The following ULK4 variants were observed in gnomAD, a reference collection of about 807,000 sequenced individuals.
ULK4 encodes the protein inactive serine/threonine-protein kinase ULK4.
Under a neutral mutation model 160.6 loss-of-function variants are expected in ULK4, and 133 were observed. The ratio of observed to expected loss-of-function variants is 0.83; its 90% CI spans 0.72 to 0.96. The LOEUF is 0.96. Among genes scored for constraint, ULK4 ranks in the 40% least tolerant of loss-of-function variants. The pLI, the probability that ULK4 is intolerant of heterozygous loss-of-function variation, is 0.00. For synonymous variants in ULK4, 534 were observed against 539.8 expected (o/e 0.99, Z 0.15); for missense variants, 1,580 against 1,499.5 (o/e 1.05, Z -0.89).
intron 35 of ULK4, among the ~76,000 whole-genome samples, chr3:41,256,590 A>G (rs1402946782): frequency 2.6e-5 from 4 of 152,248 alleles, no homozygotes; most frequent in African/African-American, 4.8e-5. Context: ...GTAATTTTAA[A>G]TGGATGATGG....
chr3:41,785,096 CA>C (rs773360603), intron 21 of ULK4, among the ~76,000 whole-genome samples: 1 of 152,106 alleles, frequency 6.6e-6, no homozygotes, highest in Non-Finnish European at 1.5e-5. Context: ...ATGTGTATAA[CA>C]CTTGAGTAAT....
intron 25 of ULK4, among the ~76,000 whole-genome samples, chr3:41,712,746 G>T (rs1267430214): frequency 2.0e-5 from 3 of 152,078 alleles, no homozygotes; most frequent in Non-Finnish European, 4.4e-5. Flanking sequence ...TTAAAAATTA[G>T]CCAGGCATGG....
chr3:41,727,227 T>G (rs2037682601), intron 22 of ULK4, among the ~76,000 whole-genome samples: 1 of 152,202 alleles, frequency 6.6e-6, no homozygotes, highest in African/African-American at 2.4e-5. Flanking sequence ...ACCAGTACAA[T>G]GTCTACAGCA....
At chr3:41,866,847 G>C (rs1392122318) in intron 17 of ULK4, among the ~76,000 whole-genome samples, 1 of 152,156 alleles carries the variant, frequency 6.6e-6, no homozygotes, top group African/African-American at 2.4e-5. Flanking sequence ...GTTCCAGAAA[G>C]TTCTGTTATT....
chr3:41,636,248 T>A (rs958900068), intron 30 of ULK4, among the ~76,000 whole-genome samples: 1 of 152,186 alleles, frequency 6.6e-6, no homozygotes, highest in South Asian at 2.1e-4. Context: ...TGTAAACAGA[T>A]ACTAGGCTGG....
intron 35 of ULK4, among the ~76,000 whole-genome samples, chr3:41,302,343 G>C (rs2079816854): frequency 6.6e-6 from 1 of 152,090 alleles, no homozygotes; most frequent in African/African-American, 2.4e-5. Context: ...TCTGAATCAA[G>C]ACTTAATGGA....
chr3:41,958,617 T>A (rs1223660305), intron 1 of ULK4, among the ~76,000 whole-genome samples: 1 of 149,676 alleles, frequency 6.7e-6, no homozygotes, highest in African/African-American at 2.5e-5. Context: ...GAAGGTGAGG[T>A]AGGCGAATGG....
intron 30 of ULK4, among the ~76,000 whole-genome samples, chr3:41,631,903 G>T (rs976396376): frequency 6.6e-6 from 1 of 152,146 alleles, no homozygotes; most frequent in African/African-American, 2.4e-5. Flanking sequence ...GGTCTGTAAT[G>T]CTCCTGCTAC....
intron 35 of ULK4, among the ~76,000 whole-genome samples, chr3:41,388,554 A>T (rs1358497243): frequency 2.6e-5 from 4 of 152,040 alleles, no homozygotes; most frequent in African/African-American, 9.7e-5. Context: ...TTTTTGTCTA[A>T]GGTGTAAGGA....
At chr3:41,526,506 A>G (rs895060905) in intron 32 of ULK4, among the ~76,000 whole-genome samples, 3 of 152,248 alleles carry the variant, frequency 2.0e-5, no homozygotes, top group Admixed American at 6.5e-5. Flanking sequence ...CAGAGATGAC[A>G]GAAATGGTCT....
At chr3:41,513,513 G>A (rs2085655365) in intron 32 of ULK4, among the ~76,000 whole-genome samples, 1 of 152,150 alleles carries the variant, frequency 6.6e-6, no homozygotes, top group African/African-American at 2.4e-5. Context: ...CATGCCTGTA[G>A]TCCCAGCTAC....
chr3:41,748,091 G>C (rs2038478912), intron 22 of ULK4, among the ~76,000 whole-genome samples: 1 of 150,874 alleles, frequency 6.6e-6, no homozygotes, highest in Non-Finnish European at 1.5e-5. Flanking sequence ...TGATAATATT[G>C]GTTATTACTG....
At chr3:41,620,936 T>A (rs543365020) in intron 30 of ULK4, among the ~76,000 whole-genome samples, 198 of 152,316 alleles carry the variant, frequency 1.3e-3, no homozygotes, top group Non-Finnish European at 2.3e-3. Context: ...ATAAAATTAA[T>A]GTGCAAAAGT....
chr3:41,321,251 G>A (rs974995262), intron 35 of ULK4, among the ~76,000 whole-genome samples: 1 of 152,020 alleles, frequency 6.6e-6, no homozygotes, highest in Non-Finnish European at 1.5e-5. Flanking sequence ...AGTGCCTGTT[G>A]GAAACTCAGC....
intron 32 of ULK4, among the ~76,000 whole-genome samples, chr3:41,552,481 A>T (rs1047059157): frequency 2.6e-5 from 4 of 152,008 alleles, no homozygotes; most frequent in Non-Finnish European, 5.9e-5. Flanking sequence ...CTGAGGAAAA[A>T]AATCAAGAAG....
chr3:41,907,925 TG>T lies in ULK4; in HGVS notation c.1101del (p.Arg368GlufsTer8). The T allele has an allele frequency of 1.2e-6, 2 of 1,606,430 alleles. No homozygotes were observed. Among genetic ancestry groups the T allele is most frequent in the Admixed American group, 1.7e-5 (1 of 58,664 alleles). On this transcript the variant is annotated frameshift_variant, in exon 12 of 37. Coordinates refer to ENST00000301831, the MANE Select transcript of ULK4 (RefSeq NM_017886.4). LOFTEE classifies it high-confidence loss of function. The stretch of plus-strand genomic sequence containing the variant: ...CTTACTTCCACTGCAGTGCTAGTTC[TG>T]GGAGTAGGACGAGAACTGAAAAATA... The part of the protein sequence containing the change: ...SMFLLSSRPT[P>X]RTSTAVEVSP...
At chr3:41,452,335 G>C (rs571100346) in intron 34 of ULK4, among the ~76,000 whole-genome samples, 2 of 152,296 alleles carry the variant, frequency 1.3e-5, no homozygotes, top group South Asian at 2.1e-4. Context: ...TGTTAGATTA[G>C]ATTATCTGGA....
At chr3:41,303,929 G>A (rs921768364) in intron 35 of ULK4, among the ~76,000 whole-genome samples, 14 of 152,084 alleles carry the variant, frequency 9.2e-5, no homozygotes, top group Admixed American at 2.0e-4. Flanking sequence ...GGAGGGGGCC[G>A]GATACATGCC....
intron 25 of ULK4, among the ~76,000 whole-genome samples, chr3:41,709,808 A>G (rs564510976): frequency 6.6e-6 from 1 of 152,356 alleles, no homozygotes; most frequent in Admixed American, 6.5e-5. Flanking sequence ...GTTGAATAAG[A>G]AACTCAGAGA....
Sources: gnomAD v4.1 joint callset for allele counts (sites outside exome capture counted in the v4.1 genomes callset) on GRCh38, gnomAD v4.1.1 for gene constraint, MANE v1.5 for transcripts, NCBI Gene and HGNC (gene_info 2026-07-23, HGNC 2026-07-21) for gene names.